The following ALG13 variants were observed in gnomAD, a reference collection of about 807,000 sequenced individuals.
ALG13 encodes the protein ALG13 UDP-N-acetylglucosaminyltransferase subunit, also known as UDP-N-acetylglucosamine transferase subunit ALG13.
Under a neutral mutation model 87.8 loss-of-function variants are expected in ALG13, and 11 were observed. The observed-to-expected ratio is 0.13, with a 90% CI of 0.08 to 0.21. The LOEUF is 0.21. Among genes scored for constraint, ALG13 ranks in the 10% least tolerant of loss-of-function variants. The probability of loss-of-function intolerance (pLI) is 1.00; values close to 1 mark genes in which losing one functional copy is unlikely to be tolerated. For synonymous variants in ALG13, 320 were observed against 306.3 expected (o/e 1.04, Z -0.47); for missense variants, 756 against 866.1 (o/e 0.87, Z 1.60).
At position 111,751,487 on chromosome X, in the gene ALG13, T is replaced by C. The variant is rs1944744419; in HGVS notation, c.2933-1303T>C. On this transcript the variant is annotated intron_variant, in intron 24 of 26. Coordinates refer to ENST00000394780, the MANE Select transcript of ALG13 (RefSeq NM_001099922.3). ...AACCAAAGCCATGATATCTCCAAAG[T>C]ATGTCTGTATCATATTTTATCTATT... is the stretch of plus-strand genomic sequence containing the variant. 4.5e-5 allele frequency among the ~76,000 whole-genome samples: 5 copies of C among 112,161 alleles called. No individual in the cohort carries two copies. The South Asian group carries it at 1.9e-3, about 42-fold the overall frequency.
At chrX:111,740,909 C>T (rs1943687380) in intron 23 of ALG13, among the ~76,000 whole-genome samples, 1 of 112,350 alleles carries the variant, frequency 8.9e-6, no homozygotes, top group African/African-American at 3.2e-5. Flanking sequence ...AACTATACTA[C>T]TGAATAGCCA....
rs2148533868 is a variant in ALG13, at chrX:111,760,194, A to G, written c.*195A>G. ...TATTATTTTGGGCTGTGACTAAGGA[A>G]ATTGAGATGGATGTACAACTAGCCC... On this transcript the variant is annotated 3_prime_UTR_variant, in exon 27 of 27. Coordinates refer to ENST00000394780, the MANE Select transcript of ALG13 (RefSeq NM_001099922.3). 6.6e-6 allele frequency: 3 copies of G among 454,556 alleles called. No individual in the cohort carries two copies. Among genetic ancestry groups the G allele is most frequent in the East Asian group, 7.8e-5 (2 of 25,615 alleles). The allele number at this position is 454,556 out of a possible 1,213,427, so 37.5% of individuals were successfully genotyped here. A position where few individuals can be genotyped will look rare whatever the true frequency, so the allele number is the denominator to read the frequency against.
intron 10 of ALG13, among the ~76,000 whole-genome samples, 161 bp downstream of exon 10, chrX:111,718,435 A>G (rs1940937338): frequency 9.0e-6 from 1 of 111,574 alleles, no homozygotes; most frequent in Non-Finnish European, 1.9e-5. Context: ...AGTTTTACCA[A>G]AGAGATGTGT....
At chrX:111,753,182 T>C (rs965792352) in intron 25 of ALG13, 1 of 128,612 alleles carries the variant, frequency 7.8e-6, no homozygotes, top group Non-Finnish European at 1.6e-5. Context: ...ATGACTATCT[T>C]TCCATTTTAT....
At chrX:111,757,561 T>A in intron 25 of ALG13, 27 bp from the exon 26 acceptor site, 1 of 1,139,938 alleles carries the variant, frequency 8.8e-7, no homozygotes, top group Non-Finnish European at 1.2e-6. Flanking sequence ...AAGTTTCTTA[T>A]TTTTTTGTTG....
At position 111,744,768 on chromosome X, in the gene ALG13, ACCT is replaced by A. The variant is rs56717389; in HGVS notation, c.2833_2835del (p.Pro945del). 0.048 allele frequency: 22,031 copies of A among 455,685 alleles called. 65 individuals are homozygous for A. Among genetic ancestry groups the A allele is most frequent in the African/African-American group, 0.12 (2,530 of 20,920 alleles). The allele number at this position is 455,685 out of a possible 1,213,427, so 37.6% of individuals were successfully genotyped here. A position where few individuals can be genotyped will look rare whatever the true frequency, so the allele number is the denominator to read the frequency against. ...CACCACCACCACCACCACCACCACCACCTCCTCCTCCTCCTCCTCCTCCTCCTC... is the reference window on the plus strand; with the variant it reads ...CACCACCACCACCACCACCACCACCACCTCCTCCTCCTCCTCCTCCTCCTC... On this transcript the variant is annotated inframe_deletion, in exon 24 of 27. Coordinates refer to ENST00000394780, the MANE Select transcript of ALG13 (RefSeq NM_001099922.3).
At chrX:111,742,152 G>T (rs1397089888) in intron 23 of ALG13, among the ~76,000 whole-genome samples, 1 of 111,311 alleles carries the variant, frequency 9.0e-6, no homozygotes, top group Non-Finnish European at 1.9e-5. Flanking sequence ...TTCTTTACTA[G>T]ATCTGGCTGA....
intron 10 of ALG13, among the ~76,000 whole-genome samples, chrX:111,719,703 G>A (rs907178483): frequency 5.4e-5 from 6 of 111,850 alleles, no homozygotes; most frequent in African/African-American, 2.0e-4. Context: ...GTTCCTTCGA[G>A]CTATAGGACT....
chrX:111,685,835 A>G (rs1934789259), intron 3 of ALG13, among the ~76,000 whole-genome samples: 1 of 111,981 alleles, frequency 8.9e-6, no homozygotes, highest in Non-Finnish European at 1.9e-5. Flanking sequence ...AGGCAGAAGG[A>G]ACAGCAAGTG....
chrX:111,726,232 G>GT (rs1213050998), intron 15 of ALG13, among the ~76,000 whole-genome samples: 2,739 of 60,102 alleles, frequency 0.046, 88 homozygotes, highest in African/African-American at 0.088. Context: ...GGCGTGTTTT[G>GT]TTTTTTTTTT....
chrX:111,689,129 CAAAG>C (rs999415511), intron 3 of ALG13: 10 of 662,529 alleles, frequency 1.5e-5, no homozygotes, highest in Admixed American at 8.9e-5. Flanking sequence ...AAGGTGGTGA[CAAAG>C]AAATACTCTG....
intron 23 of ALG13, 137 bp from the exon 24 acceptor site, chrX:111,744,531 T>TC: frequency 1.6e-6 from 1 of 644,722 alleles, no homozygotes; most frequent in Non-Finnish European, 2.4e-6. Flanking sequence ...CAATTCACTG[T>TC]CCAAGTTTTT....
Position 111,736,753 on chromosome X carries a change from A to G in ALG13, c.2569A>G (p.Asn857Asp). The G allele has an allele frequency of 8.3e-7, 1 of 1,210,990 alleles. No individual in the cohort carries two copies. The highest frequency in any genetic ancestry group is 1.8e-5 in the South Asian group (1 of 56,842). The stretch of plus-strand genomic sequence containing the variant: ...TGCAGCAGTTGCAGCTTCCTGTGCC[A>G]ATAATGTTCCAGCTCCAGTCTTATC... ...NIAAVAASCA[N>D]NVPAPVLSNG... Residue 857 changes from asparagine (N) to aspartate (D), a missense_variant, in exon 23 of 27, where the codon AAT (asparagine) becomes GAT (aspartate). Coordinates refer to ENST00000394780, the MANE Select transcript of ALG13 (RefSeq NM_001099922.3).
At chrX:111,710,319 C>T (rs1394882572) in intron 5 of ALG13, among the ~76,000 whole-genome samples, 1 of 111,424 alleles carries the variant, frequency 9.0e-6, no homozygotes, top group Non-Finnish European at 1.9e-5. Context: ...AAGTGTGAGC[C>T]ACTGCGTGCA....
chrX:111,713,512 G>A (rs1373982067), intron 8 of ALG13, among the ~76,000 whole-genome samples: 1 of 111,448 alleles, frequency 9.0e-6, no homozygotes, highest in Non-Finnish European at 1.9e-5. Context: ...TAGGAAAAAA[G>A]CCACCCCAAA....
intron 1 of ALG13, 102 bp from the exon 2 acceptor site, chrX:111,682,030 C>A: frequency 1.1e-6 from 1 of 919,406 alleles, no homozygotes. Flanking sequence ...TTTTGGCGGC[C>A]GTGCTCCGAT....
In ALG13 at chrX:111,681,319, A is replaced by G; in HGVS notation, c.81+20A>G. 1 of 1,210,009 alleles carries G rather than the reference A, an allele frequency of 8.3e-7. No homozygotes were observed. The highest frequency in any genetic ancestry group is 1.1e-6 in the Non-Finnish European group (1 of 894,654). ...CTGCAAGTGAGTGAGGGAGGCGAGC[A>G]GGCGGCGGCTTGGCTCGCCACCCGC... On this transcript the variant is annotated intron_variant, in intron 1 of 26. Transcript: ENST00000394780.
At position 111,702,279 on chromosome X, in the gene ALG13, A is replaced by G. The variant is rs140388381; in HGVS notation, c.384-5748A>G. ...TTGAAAGAGGGGTAATGAGATCCCA[A>G]AGAGGAGACTTTTTCTTTTTTCTCT... is the stretch of plus-strand genomic sequence containing the variant. On this transcript the variant is annotated intron_variant, in intron 3 of 26. Transcript: ENST00000394780. 9.9e-5 allele frequency among the ~76,000 whole-genome samples: 11 copies of G among 111,661 alleles called. No individual in the cohort carries two copies. The East Asian group carries it at 3.1e-3, about 31-fold the overall frequency.
At chrX:111,698,487 C>G (rs970868705) in intron 3 of ALG13, among the ~76,000 whole-genome samples, 1 of 111,141 alleles carries the variant, frequency 9.0e-6, no homozygotes, top group African/African-American at 3.3e-5. Context: ...AAGCTTTGTA[C>G]CCTTTGATCA....
Sources: gnomAD v4.1 joint callset for allele counts (sites outside exome capture counted in the v4.1 genomes callset) on GRCh38, gnomAD v4.1.1 for gene constraint, MANE v1.5 for transcripts, NCBI Gene and HGNC (gene_info 2026-07-23, HGNC 2026-07-21) for gene names.